Variants in MB21D2 observed in about 807,000 individuals in gnomAD.
MB21D2 encodes the protein nucleotidyltransferase MB21D2.
A neutral mutation model predicts 33.3 loss-of-function variants in MB21D2; 9 were observed. The ratio of observed to expected loss-of-function variants is 0.27; its 90% CI spans 0.16 to 0.47. MB21D2 has a LOEUF of 0.47. Among genes scored for constraint, MB21D2 ranks in the 20% least tolerant of loss-of-function variants. The pLI is 0.99. For missense variants in MB21D2, 540 were observed against 624.6 expected, an observed-to-expected ratio of 0.86 and a Z score of 1.44; for synonymous variants, 241 against 236.3, an observed-to-expected ratio of 1.02 and a Z score of -0.18.
intron 1 of MB21D2, among the ~76,000 whole-genome samples, chr3:192,824,009 G>T (rs1014482397): frequency 3.3e-5 from 5 of 152,126 alleles, no homozygotes; most frequent in African/African-American, 1.2e-4. Context: ...GAGTACAAAA[G>T]ACAATGTCTA....
intron 1 of MB21D2, among the ~76,000 whole-genome samples, chr3:192,809,057 C>T (rs558415521): frequency 2.2e-4 from 34 of 152,266 alleles, no homozygotes; most frequent in African/African-American, 7.7e-4. Flanking sequence ...TGTGTCATCT[C>T]GTTCAATCTT....
At chr3:192,858,904 T>C (rs529626324) in intron 1 of MB21D2, among the ~76,000 whole-genome samples, 41 of 152,162 alleles carry the variant, frequency 2.7e-4, no homozygotes, top group Non-Finnish European at 5.4e-4. Flanking sequence ...GCTGGAACCA[T>C]CCACAAAGGA....
At chr3:192,894,686 A>C (rs1051534508) in intron 1 of MB21D2, among the ~76,000 whole-genome samples, 2 of 152,128 alleles carry the variant, frequency 1.3e-5, no homozygotes, top group Non-Finnish European at 2.9e-5. Context: ...TTTATTGCTC[A>C]AACTAGAGAT....
At chr3:192,912,936 A>C (rs1025306970) in intron 1 of MB21D2, among the ~76,000 whole-genome samples, 1 of 152,228 alleles carries the variant, frequency 6.6e-6, no homozygotes. Context: ...CAAAATAGGC[A>C]TGATACTTAT....
intron 1 of MB21D2, among the ~76,000 whole-genome samples, chr3:192,860,680 G>T (rs915353122): frequency 3.3e-5 from 5 of 152,180 alleles, no homozygotes; most frequent in African/African-American, 1.2e-4. Flanking sequence ...TCTGCCAGCA[G>T]AAGTGGAAGA....
At chr3:192,914,586 C>T (rs943563150) in intron 1 of MB21D2, among the ~76,000 whole-genome samples, 2 of 152,148 alleles carry the variant, frequency 1.3e-5, no homozygotes, top group Non-Finnish European at 1.5e-5. Context: ...TTATGCACTG[C>T]CAGCCTTTCG....
chr3:192,799,758 A>G lies in MB21D2; in HGVS notation c.212-108T>C. On this transcript the variant is annotated intron_variant, in intron 1 of 1. Transcript: ENST00000392452. The surrounding 1 kb of genome is among the most constrained non-coding windows in gnomAD (Gnocchi z 4.1). ...GTTCCAAGAACCAAAACTCATTATCAGTACTAAATCAAATCTCAGGCTGCT... is the reference window on the plus strand; with the variant it reads ...GTTCCAAGAACCAAAACTCATTATCGGTACTAAATCAAATCTCAGGCTGCT... The G allele has an allele frequency of 8.3e-7, 1 of 1,207,568 alleles. No individual in the cohort carries two copies. Among genetic ancestry groups the G allele is most frequent in the Non-Finnish European group, 1.1e-6 (1 of 886,074 alleles). 74.8% of individuals were successfully genotyped at this position (1,207,568 alleles called of 1,614,324 possible). A position where few individuals can be genotyped will look rare whatever the true frequency, so the allele number is the denominator to read the frequency against.
At chr3:192,814,651 A>G (rs1197634292) in intron 1 of MB21D2, among the ~76,000 whole-genome samples, 2 of 152,122 alleles carry the variant, frequency 1.3e-5, no homozygotes, top group Non-Finnish European at 2.9e-5. Context: ...TCACGAGGTC[A>G]GGAGATCGAG....
intron 1 of MB21D2, among the ~76,000 whole-genome samples, chr3:192,862,573 G>A (rs1713071728): frequency 6.6e-6 from 1 of 152,116 alleles, no homozygotes; most frequent in African/African-American, 2.4e-5. Flanking sequence ...GTTGTCAGTT[G>A]AATTGTGTCC....
At chr3:192,891,449 T>C (rs745668950) in intron 1 of MB21D2, among the ~76,000 whole-genome samples, 1 of 152,022 alleles carries the variant, frequency 6.6e-6, no homozygotes, top group African/African-American at 2.4e-5. Context: ...CACTGGAAAT[T>C]TGCTGTTTCC....
intron 1 of MB21D2, among the ~76,000 whole-genome samples, chr3:192,800,665 TA>T (rs1227419265): frequency 6.6e-6 from 1 of 152,096 alleles, no homozygotes; most frequent in African/African-American, 2.4e-5. Context: ...GAAATAACCA[TA>T]AAACCCGTCT....
chr3:192,884,455 C>T (rs1376868497), intron 1 of MB21D2, among the ~76,000 whole-genome samples: 3 of 151,782 alleles, frequency 2.0e-5, no homozygotes, highest in African/African-American at 7.3e-5. Flanking sequence ...CAAGCTCCGC[C>T]TCCCGGGTTC....
At chr3:192,812,010 C>T (rs950450352) in intron 1 of MB21D2, among the ~76,000 whole-genome samples, 3 of 151,974 alleles carry the variant, frequency 2.0e-5, no homozygotes, top group Non-Finnish European at 2.9e-5. Flanking sequence ...CACCTTTGTC[C>T]GTACTTTCTT....
intron 1 of MB21D2, among the ~76,000 whole-genome samples, chr3:192,838,211 G>A (rs1712482241): frequency 6.6e-6 from 1 of 152,170 alleles, no homozygotes; most frequent in Non-Finnish European, 1.5e-5. Context: ...ATCTATATAA[G>A]ACATCTTAAG....
chr3:192,839,614 G>A (rs1246299510), intron 1 of MB21D2, among the ~76,000 whole-genome samples: 1 of 152,152 alleles, frequency 6.6e-6, no homozygotes, highest in Non-Finnish European at 1.5e-5. Context: ...ACATATATGT[G>A]TCTGTGTGTG....
chr3:192,907,622 T>C (rs1013569405), intron 1 of MB21D2, among the ~76,000 whole-genome samples: 5 of 152,146 alleles, frequency 3.3e-5, no homozygotes, highest in South Asian at 2.1e-4. Context: ...ATACAACCTT[T>C]CTCAAAGGCC....
chr3:192,845,049 T>C (rs941975549), intron 1 of MB21D2, among the ~76,000 whole-genome samples: 1 of 152,256 alleles, frequency 6.6e-6, no homozygotes, highest in Non-Finnish European at 1.5e-5. Context: ...CTACTCACTA[T>C]AGATTTGGCT....
At chr3:192,875,112 A>C (rs1242984589) in intron 1 of MB21D2, among the ~76,000 whole-genome samples, 1 of 152,226 alleles carries the variant, frequency 6.6e-6, no homozygotes, top group African/African-American at 2.4e-5. Flanking sequence ...ACAAACGGAA[A>C]GCAGTTATGT....
chr3:192,811,943 T>A (rs1711796845), intron 1 of MB21D2, among the ~76,000 whole-genome samples: 2 of 152,230 alleles, frequency 1.3e-5, no homozygotes, highest in South Asian at 4.1e-4. Flanking sequence ...TCTGTCTCTA[T>A]TCCTCTAAAT....
Sources: gnomAD v4.1 joint callset for allele counts (sites outside exome capture counted in the v4.1 genomes callset) on GRCh38, gnomAD v4.1.1 for gene constraint, Gnocchi (gnomAD v3.1) non-coding constraint, MANE v1.5 for transcripts, NCBI Gene and HGNC (gene_info 2026-07-23, HGNC 2026-07-21) for gene names.